The following MAD1L1 variants were observed in gnomAD, a reference collection of about 807,000 sequenced individuals.
MAD1L1 encodes mitotic arrest deficient 1 like 1.
In MAD1L1, 95 loss-of-function variants were observed where a neutral mutation model predicts 96.9. That is an observed-to-expected ratio of 0.98 (90% confidence interval 0.83 to 1.16). The LOEUF is 1.16. MAD1L1 is among the 50% of genes most tolerant of loss of function. The pLI, the probability that MAD1L1 is intolerant of heterozygous loss-of-function variation, is 0.00. For missense variants in MAD1L1, 1,007 were observed against 954.4 expected, an observed-to-expected ratio of 1.06 and a Z score of -0.73; for synonymous variants, 473 against 396.6, an observed-to-expected ratio of 1.19 and a Z score of -2.29.
intron 13 of MAD1L1, among the ~76,000 whole-genome samples, chr7:2,011,054 G>C (rs1782276650): frequency 6.6e-6 from 1 of 152,206 alleles, no homozygotes; most frequent in South Asian, 2.1e-4. Context: ...AGCAGGGAGA[G>C]AGGGAGGCAG....
intron 15 of MAD1L1, among the ~76,000 whole-genome samples, chr7:1,966,120 G>C (rs1780156310): frequency 6.6e-6 from 1 of 152,240 alleles, no homozygotes; most frequent in African/African-American, 2.4e-5. Context: ...AATGTCCCAG[G>C]CCAAGGCCAG....
At chr7:1,899,430 G>A (rs1403709403) in intron 17 of MAD1L1, among the ~76,000 whole-genome samples, 1 of 152,132 alleles carries the variant, frequency 6.6e-6, no homozygotes, top group Non-Finnish European at 1.5e-5. Flanking sequence ...TGCAGGCCAC[G>A]GGAGCTGGGC....
chr7:1,890,651 C>T (rs1786479709), intron 18 of MAD1L1, among the ~76,000 whole-genome samples: 2 of 152,216 alleles, frequency 1.3e-5, no homozygotes, highest in African/African-American at 4.8e-5. Context: ...CACGGAGGCC[C>T]AGGCTGTGCC....
intron 18 of MAD1L1, among the ~76,000 whole-genome samples, chr7:1,845,032 G>C (rs1783516009): frequency 6.6e-6 from 1 of 152,240 alleles, no homozygotes; most frequent in Admixed American, 6.5e-5. Flanking sequence ...GTGGGCACAG[G>C]GTCTGTGCAG....
chr7:1,829,010 C>G (rs1044606607), intron 18 of MAD1L1, among the ~76,000 whole-genome samples: 1 of 151,968 alleles, frequency 6.6e-6, no homozygotes, highest in Non-Finnish European at 1.5e-5. Flanking sequence ...GGAAACCGTC[C>G]GAGATGAAAC....
chr7:2,176,976 C>G (rs1425252523), intron 10 of MAD1L1, among the ~76,000 whole-genome samples: 1 of 152,208 alleles, frequency 6.6e-6, no homozygotes, highest in Non-Finnish European at 1.5e-5. Flanking sequence ...AGACACCCAG[C>G]CTTCTCCAGG....
intron 11 of MAD1L1, chr7:2,080,115 C>T (rs1785565064): frequency 5.1e-6 from 1 of 194,298 alleles, no homozygotes; most frequent in African/African-American, 2.4e-5. Context: ...GTGGGCCAGC[C>T]TCGAGGCTGG....
intron 10 of MAD1L1, among the ~76,000 whole-genome samples, chr7:2,206,781 A>G (rs1792616861): frequency 6.6e-6 from 1 of 151,790 alleles, no homozygotes; most frequent in Admixed American, 6.6e-5. Context: ...ACATTCCCAT[A>G]GAAATTTTAG....
intron 18 of MAD1L1, among the ~76,000 whole-genome samples, chr7:1,827,412 G>T (rs1305889805): frequency 6.6e-6 from 1 of 150,902 alleles, no homozygotes; most frequent in Non-Finnish European, 1.5e-5. Context: ...CAGGTGTGGG[G>T]TCCTCCCCTC....
intron 18 of MAD1L1, among the ~76,000 whole-genome samples, chr7:1,816,638 C>T (rs1487998075): frequency 6.6e-6 from 1 of 152,114 alleles, no homozygotes; most frequent in Non-Finnish European, 1.5e-5. Flanking sequence ...GCCCCATGAC[C>T]TAGTTTCCCC....
At chr7:2,049,412 G>A (rs989095165) in intron 12 of MAD1L1, among the ~76,000 whole-genome samples, 7 of 152,226 alleles carry the variant, frequency 4.6e-5, no homozygotes, top group East Asian at 1.9e-4. Flanking sequence ...ACTCGGAGCC[G>A]ACTCAGTAGG....
chr7:2,162,870 ATC>A (rs368258765), intron 10 of MAD1L1, among the ~76,000 whole-genome samples: 3,717 of 147,586 alleles, frequency 0.025, 79 homozygotes, highest in Middle Eastern at 0.05. Flanking sequence ...TTGGAGTTTC[ATC>A]TTTTTTTTTT....
chr7:2,199,424 A>T (rs2114949400), intron 10 of MAD1L1, among the ~76,000 whole-genome samples: 1 of 152,340 alleles, frequency 6.6e-6, no homozygotes, highest in South Asian at 2.1e-4. Context: ...TGCCGTCATG[A>T]AGGGCGCCTG....
rs1015739504 is a variant in MAD1L1, at chr7:2,003,068, G to A, written c.1360-947C>T. Among the ~76,000 whole-genome samples, 4 of 152,286 alleles carry A rather than the reference G, an allele frequency of 2.6e-5. No homozygotes were observed. In the East Asian group the frequency reaches 5.8e-4, roughly 22 times the overall value. Reference sequence around the variant, plus strand: ...CAGGCCACAGCACACAGGAAAGTCCGGGAAGGAGATGGAGGGCCAGCCCAG... The same window carrying A: ...CAGGCCACAGCACACAGGAAAGTCCAGGAAGGAGATGGAGGGCCAGCCCAG... On this transcript the variant is annotated intron_variant, in intron 13 of 18. Transcript: ENST00000265854.
Position 1,952,728 on chromosome 7 carries a change from C to T in MAD1L1, c.1596+4901G>A, listed in dbSNP as rs116285221. ...CCTCACAAAGGAGGCCCTCAGGGCA[C>T]AGAGAGGAGCACTTCCCGAGGCCAC... On this transcript the variant is annotated intron_variant, in intron 16 of 18. Transcript: ENST00000265854. Among the ~76,000 whole-genome samples the T allele has an allele frequency of 1.3e-3, 198 of 152,310 alleles. 1 individual carries two copies. The highest frequency in any genetic ancestry group is 4.7e-3 in the African/African-American group (194 of 41,582).
intron 14 of MAD1L1, among the ~76,000 whole-genome samples, chr7:1,983,146 G>GCA (rs1780995199): frequency 1.5e-5 from 2 of 130,976 alleles, no homozygotes; most frequent in South Asian, 2.3e-4. Context: ...GCGCGCGCGC[G>GCA]CGCGCGCGCA....
intron 11 of MAD1L1, 82 bp from the exon 12 acceptor site, chr7:2,069,420 C>G: frequency 7.4e-7 from 1 of 1,344,686 alleles, no homozygotes; most frequent in Non-Finnish European, 9.8e-7. Flanking sequence ...CAGGAACGAG[C>G]CCACCAGGAC....
chr7:1,943,403 G>C (rs994496449), intron 16 of MAD1L1, among the ~76,000 whole-genome samples: 2 of 152,092 alleles, frequency 1.3e-5, no homozygotes, highest in Non-Finnish European at 2.9e-5. Flanking sequence ...GTCAGCAAAC[G>C]ACCCAGTGTC....
At chr7:1,893,618 G>A (rs1303272705) in intron 18 of MAD1L1, among the ~76,000 whole-genome samples, 2 of 152,026 alleles carry the variant, frequency 1.3e-5, no homozygotes, top group South Asian at 2.1e-4. Context: ...ATCTCAGGAG[G>A]GTAGCTCAGG....
Sources: gnomAD v4.1 joint callset for allele counts (sites outside exome capture counted in the v4.1 genomes callset) on GRCh38, gnomAD v4.1.1 for gene constraint, MANE v1.5 for transcripts, NCBI Gene and HGNC (gene_info 2026-07-23, HGNC 2026-07-21) for gene names.